CACNG7: variants seen among roughly 807,000 people sequenced by gnomAD.
CACNG7 encodes voltage-dependent calcium channel gamma-7 subunit.
In CACNG7, 9 loss-of-function variants were observed where a neutral mutation model predicts 26.3. The ratio of observed to expected loss-of-function variants is 0.34; its 90% CI spans 0.21 to 0.60. The LOEUF (loss-of-function observed/expected upper bound fraction) is 0.60. CACNG7 is among the 20% of genes least tolerant of loss of function. The pLI, the probability that CACNG7 is intolerant of heterozygous loss-of-function variation, is 0.81. For missense variants in CACNG7, 297 were observed against 380.4 expected (o/e 0.78, Z 1.82); for synonymous variants, 170 against 157.0 (o/e 1.08, Z -0.62).
At chr19:53,920,894 T>C (rs375523990) in intron 4 of CACNG7, among the ~76,000 whole-genome samples, 3,689 of 115,760 alleles carry the variant, frequency 0.032, 364 homozygotes, top group Non-Finnish European at 0.051. Flanking sequence ...GTCCCAGGTC[T>C]GGTCATTGGT....
At chr19:53,916,984 G>A (rs1229550610) in intron 4 of CACNG7, among the ~76,000 whole-genome samples, 1 of 152,052 alleles carries the variant, frequency 6.6e-6, no homozygotes, top group African/African-American at 2.4e-5. Flanking sequence ...TTTTAGTAGA[G>A]ATGGGGTTTT....
At chr19:53,918,181 C>A (rs898054715) in intron 4 of CACNG7, among the ~76,000 whole-genome samples, 1 of 152,226 alleles carries the variant, frequency 6.6e-6, no homozygotes, top group Non-Finnish European at 1.5e-5. Flanking sequence ...CTACCACTTA[C>A]GGTTTGAACC....
intron 4 of CACNG7, among the ~76,000 whole-genome samples, chr19:53,922,883 G>C (rs1568775721): frequency 1.3e-5 from 1 of 74,376 alleles, no homozygotes; most frequent in African/African-American, 1.1e-4. Flanking sequence ...GTTGACTCAG[G>C]CTGGTCATTG....
intron 2 of CACNG7, among the ~76,000 whole-genome samples, chr19:53,914,290 A>AAAAAAAAAAAAAAAAAAG (rs2068880644): frequency 2.0e-5 from 2 of 101,670 alleles, no homozygotes; most frequent in African/African-American, 6.5e-5. Context: ...AAAAAAAAGA[A>AAAAAAAAAAAAAAAAAAG]AAAAAGAAAA....
rs1021802024 is a variant in CACNG7 at position 53,940,975 on chromosome 19, C to T, written c.425-495C>T. Among the ~76,000 whole-genome samples, 10 of 151,414 alleles carry T rather than the reference C, an allele frequency of 6.6e-5. No individual in the cohort carries two copies. The highest frequency in any genetic ancestry group is 2.4e-4 in the African/African-American group (10 of 41,186). On this transcript the variant is annotated intron_variant, in intron 4 of 5. Coordinates refer to ENST00000391767, the MANE Select transcript of CACNG7 (RefSeq NM_031896.5). This position sits in a 1 kb window ranked among gnomAD's most constrained non-coding sequence, Gnocchi z 4.1. ...ACTTGGGAGGCTGAGGCAGGAGAAT[C>T]GCTTGAACCTGGGAGGTTGAAGGTT...
intron 4 of CACNG7, among the ~76,000 whole-genome samples, chr19:53,915,879 C>T (rs1010876706): frequency 5.3e-5 from 8 of 152,308 alleles, no homozygotes; most frequent in Admixed American, 2.0e-4. Context: ...ATGAAACTCA[C>T]GCAATTCGCC....
Position 53,909,766 on chromosome 19 carries a change from T to A in CACNG7, c.-30+249T>A, listed in dbSNP as rs2068851202. On this transcript the variant is annotated intron_variant, in intron 1 of 5. Transcript: ENST00000391767. The surrounding 1 kb of genome is among the most constrained non-coding windows in gnomAD (Gnocchi z 5.1). ...CGTCCGAGTCGCAGCGAGCGTGGGCTGGGGAGGGCAGAGGCCGGGTCCCTG... is the reference window on the plus strand; with the variant it reads ...CGTCCGAGTCGCAGCGAGCGTGGGCAGGGGAGGGCAGAGGCCGGGTCCCTG... 6.7e-6 allele frequency among the ~76,000 whole-genome samples: 1 copy of A among 150,222 alleles called. No individual in the cohort carries two copies. Among genetic ancestry groups the A allele is most frequent in the African/African-American group, 2.5e-5 (1 of 40,754 alleles).
At position 53,941,551 on chromosome 19, in the gene CACNG7, A is replaced by G; in HGVS notation, c.506A>G (p.Gln169Arg). The G allele has an allele frequency of 6.2e-7, 1 of 1,609,094 alleles. No homozygotes were observed. The highest frequency in any genetic ancestry group is 8.5e-7 in the Non-Finnish European group (1 of 1,178,448). Residue 169 changes from glutamine to arginine, a missense_variant, in exon 5 of 6, where the codon CAG (glutamine) becomes CGG (arginine). Transcript: ENST00000391767. Reference protein sequence around the residue: ...EVMNRPSSSEQYFHYRYGWSF... With the variant: ...EVMNRPSSSERYFHYRYGWSF... ...ATGAACAGGCCCAGCAGCTCTGAGC[A>G]GTATTTTCATTATCGCTACGGGTGG...
In CACNG7 at chr19:53,915,411, C is replaced by T. The variant is rs769278610; in HGVS notation, c.330C>T (p.Leu110=). The change falls in exon 4 of 6, where the codon CTC becomes CTT. Residue 110 remains leucine, a synonymous_variant. Transcript: ENST00000391767. The stretch of plus-strand genomic sequence containing the variant: ...CCTTCCCCATGGTCAGCCTCTTCCT[C>T]GTGTTCACGGCCTTCGTCATCAGCA... ...ATPFPMVSLF[L]VFTAFVISNI... 29 of 1,613,930 alleles carry T rather than the reference C, an allele frequency of 1.8e-5. No homozygotes were observed. The highest frequency in any genetic ancestry group is 9.3e-5 in the African/African-American group (7 of 74,886).
chr19:53,942,591 C>T lies in CACNG7; in HGVS notation c.*298C>T. 3 of 1,295,954 alleles carry T rather than the reference C, an allele frequency of 2.3e-6. No homozygotes were observed. The highest frequency in any genetic ancestry group is 3.2e-5 in the East Asian group (1 of 31,430). 80.3% of individuals were successfully genotyped at this position (1,295,954 alleles called of 1,614,324 possible). A position where few individuals can be genotyped will look rare whatever the true frequency, so the allele number is the denominator to read the frequency against. Reference sequence around the variant, plus strand: ...CCCTCCTCTCCAAGAAAATTAGCTCCTCCCTCGTTCTCCACCTGCTCTGAG... The same window carrying T: ...CCCTCCTCTCCAAGAAAATTAGCTCTTCCCTCGTTCTCCACCTGCTCTGAG... On this transcript the variant is annotated 3_prime_UTR_variant, in exon 6 of 6. Transcript: ENST00000391767. The surrounding 1 kb of genome is among the most constrained non-coding windows in gnomAD (Gnocchi z 5.9).
intron 4 of CACNG7, among the ~76,000 whole-genome samples, chr19:53,919,967 T>G (rs2068928143): frequency 7.7e-6 from 1 of 130,348 alleles, no homozygotes; most frequent in African/African-American, 3.4e-5. Context: ...GTCTGGTCAT[T>G]GGTGGAGTTG....
At chr19:53,919,963 TC>T (rs71304169) in intron 4 of CACNG7, among the ~76,000 whole-genome samples, 1 of 120,594 alleles carries the variant, frequency 8.3e-6, no homozygotes. Context: ...CCAGGTCTGG[TC>T]ATTGGTGGAG....
At chr19:53,910,494 A>T (rs193138881) in intron 1 of CACNG7, among the ~76,000 whole-genome samples, 2 of 152,172 alleles carry the variant, frequency 1.3e-5, no homozygotes, top group East Asian at 3.9e-4. Context: ...CTGGTGAAGG[A>T]AAGTGGAGTT....
intron 4 of CACNG7, among the ~76,000 whole-genome samples, chr19:53,938,280 G>A (rs773546127): frequency 5.3e-5 from 8 of 152,096 alleles, no homozygotes; most frequent in Non-Finnish European, 8.8e-5. Context: ...CCAGGGAGGT[G>A]GAGGCTGCAG....
chr19:53,925,283 T>C (rs1361308497), intron 4 of CACNG7, among the ~76,000 whole-genome samples: 2 of 124,558 alleles, frequency 1.6e-5, no homozygotes, highest in Non-Finnish European at 3.3e-5. Context: ...TGGTCATTGG[T>C]GGAGTTGTCC....
At chr19:53,928,890 C>G (rs2069051690) in intron 4 of CACNG7, among the ~76,000 whole-genome samples, 1 of 151,898 alleles carries the variant, frequency 6.6e-6, no homozygotes, top group Non-Finnish European at 1.5e-5. Context: ...GTTGGCGGAT[C>G]ACGAAGTCAG....
Position 53,909,562 on chromosome 19 carries a change from C to A in CACNG7, c.-30+45C>A, listed in dbSNP as rs1278368240. 3 of 152,456 alleles carry A rather than the reference C, an allele frequency of 2.0e-5. No individual in the cohort carries two copies. The highest frequency in any genetic ancestry group is 1.3e-4 in the Admixed American group (2 of 15,280). 9.4% of individuals were successfully genotyped at this position (152,456 alleles called of 1,614,324 possible). On this transcript the variant is annotated intron_variant, in intron 1 of 5. Transcript: ENST00000391767. This position sits in a 1 kb window ranked among gnomAD's most constrained non-coding sequence, Gnocchi z 5.1. ...CCTGGGAGGAAGAAGGGGCGCCCCT[C>A]GAGGTGGCTGCGAGCCGGGTTTGGG...
intron 2 of CACNG7, among the ~76,000 whole-genome samples, chr19:53,914,275 A>C (rs2068879879): frequency 1.0e-5 from 1 of 97,482 alleles, no homozygotes; most frequent in Non-Finnish European, 2.3e-5. Context: ...CTCCATCTCA[A>C]AAAAAAAAAA....
At position 53,919,064 on chromosome 19, in the gene CACNG7, G is replaced by A. The variant is rs140849088; in HGVS notation, c.424+3559G>A. ...GAATTGCAGGCGTGAGCCACCGCACGTTGCCCTTATTTTGATTTTTTAATT... is the reference window on the plus strand; with the variant it reads ...GAATTGCAGGCGTGAGCCACCGCACATTGCCCTTATTTTGATTTTTTAATT... On this transcript the variant is annotated intron_variant, in intron 4 of 5. Coordinates refer to ENST00000391767, the MANE Select transcript of CACNG7 (RefSeq NM_031896.5). 5.3e-3 allele frequency among the ~76,000 whole-genome samples: 808 copies of A among 152,186 alleles called. 7 individuals are homozygous for A. The highest frequency in any genetic ancestry group is 0.018 in the African/African-American group (761 of 41,534).
Sources: allele counts gnomAD v4.1 joint callset (sites outside exome capture counted in the v4.1 genomes callset), GRCh38; gene constraint gnomAD v4.1.1; non-coding constraint Gnocchi (gnomAD v3.1); transcripts MANE v1.5; gene names NCBI Gene and HGNC (gene_info 2026-07-23, HGNC 2026-07-21).